The following CHD6 variants were observed in gnomAD, a reference collection of about 807,000 sequenced individuals.
CHD6 encodes the protein chromodomain helicase DNA binding protein 6, also known as ATP-dependent chromatin remodeler CHD6.
In CHD6, 50 loss-of-function variants were observed where a neutral mutation model predicts 276.9. The observed-to-expected ratio is 0.18, with a 90% CI of 0.14 to 0.23. The LOEUF (loss-of-function observed/expected upper bound fraction) is 0.23, where lower values mean the gene tolerates loss of function less well. Ranked by LOEUF, CHD6 falls within the 10% of genes least tolerant of loss-of-function variation. CHD6 has a pLI of 1.00. For synonymous variants in CHD6, 1,173 were observed against 1,229.3 expected (o/e 0.95, Z 0.96); for missense variants, 2,564 against 3,365.8 (o/e 0.76, Z 5.89).
chr20:41,510,057 G>T (rs565654366), intron 5 of CHD6, among the ~76,000 whole-genome samples: 3 of 152,280 alleles, frequency 2.0e-5, no homozygotes, highest in African/African-American at 7.2e-5. Context: ...ATGGCAGTGG[G>T]GCCATTCTGG....
chr20:41,468,097 C>T lies in CHD6; in HGVS notation c.2664+5225G>A, dbSNP rs186551751. ...ACTCTTTCTAAATCAGGGCAACCAA[C>T]TCCTATCATTCTTTTTTTTTTTTTT... On this transcript the variant is annotated intron_variant, in intron 17 of 36. Coordinates refer to ENST00000373233, the MANE Select transcript of CHD6 (RefSeq NM_032221.5). Among the ~76,000 whole-genome samples the T allele has an allele frequency of 2.9e-3, 440 of 150,826 alleles. 2 individuals carry two copies. The highest frequency in any genetic ancestry group is 0.01 in the African/African-American group (414 of 41,342).
intron 1 of CHD6, among the ~76,000 whole-genome samples, chr20:41,606,146 G>A (rs1302535319): frequency 1.3e-5 from 2 of 152,176 alleles, no homozygotes; most frequent in Admixed American, 6.5e-5. Flanking sequence ...GGGAGGCTGA[G>A]GCAGGCGAAT....
At chr20:41,503,870 G>A (rs2043900624) in intron 5 of CHD6, among the ~76,000 whole-genome samples, 2 of 151,998 alleles carry the variant, frequency 1.3e-5, no homozygotes, top group Admixed American at 6.6e-5. Flanking sequence ...CTGAGGTCAG[G>A]AGTTTGAGAC....
chr20:41,591,385 C>T (rs375000361), intron 1 of CHD6, among the ~76,000 whole-genome samples: 20,459 of 122,862 alleles, frequency 0.17, 1,448 homozygotes, highest in East Asian at 0.26. Flanking sequence ...TATATACACA[C>T]ACACACACAC....
chr20:41,504,401 TTC>T (rs1205086733), intron 5 of CHD6, among the ~76,000 whole-genome samples: 3 of 136,072 alleles, frequency 2.2e-5, no homozygotes, highest in Non-Finnish European at 3.2e-5. Flanking sequence ...TTCCTCTATT[TTC>T]TTTTTTTTTT....
chr20:41,463,397 A>C (rs1301855605), intron 17 of CHD6, among the ~76,000 whole-genome samples: 1 of 152,236 alleles, frequency 6.6e-6, no homozygotes, highest in Non-Finnish European at 1.5e-5. Flanking sequence ...ATTTCTCCAA[A>C]ATTACTTATT....
At chr20:41,413,023 T>C (rs919859855) in intron 35 of CHD6, among the ~76,000 whole-genome samples, 1 of 152,240 alleles carries the variant, frequency 6.6e-6, no homozygotes, top group Admixed American at 6.5e-5. Flanking sequence ...GATTTCTCTA[T>C]GAGCTTATGA....
intron 3 of CHD6, among the ~76,000 whole-genome samples, chr20:41,520,791 G>T (rs904153804): frequency 2.0e-5 from 3 of 151,848 alleles, no homozygotes; most frequent in African/African-American, 7.3e-5. Flanking sequence ...TGCATGTTCT[G>T]CACACGTACC....
At chr20:41,416,044 C>G (rs1047468639) in intron 33 of CHD6, among the ~76,000 whole-genome samples, 5 of 152,178 alleles carry the variant, frequency 3.3e-5, no homozygotes, top group African/African-American at 4.8e-5. Flanking sequence ...CGGTCCCCAG[C>G]TGATTCCAAT....
chr20:41,471,676 C>T (rs1248131770), intron 17 of CHD6, among the ~76,000 whole-genome samples: 2 of 151,976 alleles, frequency 1.3e-5, no homozygotes, highest in African/African-American at 2.4e-5. Flanking sequence ...GCTGGGATTA[C>T]AGGCACCCAC....
At chr20:41,570,926 G>T (rs1254256025) in intron 1 of CHD6, among the ~76,000 whole-genome samples, 1 of 152,090 alleles carries the variant, frequency 6.6e-6, no homozygotes, top group Non-Finnish European at 1.5e-5. Context: ...CTGCTAACTT[G>T]GTAGATTCCT....
chr20:41,494,007 G>T, intron 8 of CHD6, 63 bp from the exon 9 acceptor site: 2 of 1,196,792 alleles, frequency 1.7e-6, no homozygotes, highest in Non-Finnish European at 2.5e-6. Context: ...CAACACCTAG[G>T]GTGTTATCTC....
intron 2 of CHD6, among the ~76,000 whole-genome samples, chr20:41,541,485 A>T (rs1384206961): frequency 3.9e-5 from 6 of 152,180 alleles, no homozygotes; most frequent in Non-Finnish European, 8.8e-5. Context: ...TCCAAGAAAA[A>T]TTTCTACAAG....
rs375119901 is a variant in CHD6 at position 41,577,384 on chromosome 20, T to C, written c.-23-26024A>G. ...TGCAAATAGAGTCCAAAGGTCAGAGTGGTATCCTGTGTGAATCTGTGACCT... is the reference window on the plus strand; with the variant it reads ...TGCAAATAGAGTCCAAAGGTCAGAGCGGTATCCTGTGTGAATCTGTGACCT... On this transcript the variant is annotated intron_variant, in intron 1 of 36. Coordinates refer to ENST00000373233, the MANE Select transcript of CHD6 (RefSeq NM_032221.5). Among the ~76,000 whole-genome samples, 68 of 152,178 alleles carry C rather than the reference T, an allele frequency of 4.5e-4. 1 individual carries two copies. The highest frequency in any genetic ancestry group is 1.5e-3 in the African/African-American group (63 of 41,502).
chr20:41,450,557 A>C (rs940921511), intron 23 of CHD6, among the ~76,000 whole-genome samples: 6 of 152,306 alleles, frequency 3.9e-5, no homozygotes, highest in African/African-American at 1.4e-4. Context: ...AAATAACTGA[A>C]GGCCATGAAT....
chr20:41,475,467 A>G (rs992286229), intron 16 of CHD6, among the ~76,000 whole-genome samples: 1 of 152,228 alleles, frequency 6.6e-6, no homozygotes, highest in African/African-American at 2.4e-5. Flanking sequence ...AAGGGACACT[A>G]GTAAACTTTG....
In CHD6 at chr20:41,488,530, T is replaced by C. The variant is rs551996541; in HGVS notation, c.1755A>G (p.Pro585=). 7 of 1,613,864 alleles carry C rather than the reference T, an allele frequency of 4.3e-6. No homozygotes were observed. In the South Asian group the frequency reaches 6.6e-5, roughly 15 times the overall value. The change falls in exon 13 of 37, where the codon CCA becomes CCG. Residue 585 remains proline, a synonymous_variant. Transcript: ENST00000373233. ...TTFEMILADC[P]ELKKIHWSCV... ...AGCTCCAGTGAATCTTCTTCAACTC[T>C]GGGCAGTCTGCTAGGATCATTTCAA...
intron 11 of CHD6, 138 bp from the exon 12 acceptor site, chr20:41,490,159 AG>A: frequency 1.3e-6 from 1 of 772,484 alleles, no homozygotes; most frequent in Non-Finnish European, 2.1e-6. Flanking sequence ...TATTAAACTG[AG>A]GTTAGTTATT....
intron 1 of CHD6, among the ~76,000 whole-genome samples, chr20:41,598,100 G>A (rs2045737204): frequency 6.6e-6 from 1 of 151,936 alleles, no homozygotes; most frequent in African/African-American, 2.4e-5. Flanking sequence ...ACTAAAGGAA[G>A]CCCCCCCACC....
Sources: gnomAD v4.1 joint callset for allele counts (sites outside exome capture counted in the v4.1 genomes callset) on GRCh38, gnomAD v4.1.1 for gene constraint, MANE v1.5 for transcripts, NCBI Gene and HGNC (gene_info 2026-07-23, HGNC 2026-07-21) for gene names.